The following EIF4E2 variants were observed in gnomAD, a reference collection of about 807,000 sequenced individuals.
EIF4E2 encodes the protein eukaryotic translation initiation factor 4E family member 2.
In EIF4E2, 13 loss-of-function variants were observed where a neutral mutation model predicts 34.2. The observed-to-expected ratio is 0.38, with a 90% confidence interval of 0.25 to 0.60. The LOEUF (loss-of-function observed/expected upper bound fraction) is 0.60. Among genes scored for constraint, EIF4E2 ranks in the 20% least tolerant of loss-of-function variants. The pLI is 0.62. For synonymous variants in EIF4E2, 100 were observed against 106.6 expected (o/e 0.94, Z 0.38); for missense variants, 222 against 315.1 (o/e 0.70, Z 2.24).
At chr2:232,551,033 A>T (rs1692293267) in intron 1 of EIF4E2, 2 of 616,688 alleles carry the variant, frequency 3.2e-6, no homozygotes, top group Non-Finnish European at 5.9e-6. Flanking sequence ...GCCCTGGTGG[A>T]TGCGGATTGC....
At chr2:232,560,925 G>T (rs1467669850) in intron 3 of EIF4E2, among the ~76,000 whole-genome samples, 1 of 152,184 alleles carries the variant, frequency 6.6e-6, no homozygotes, top group Non-Finnish European at 1.5e-5. Flanking sequence ...AATGCTTGTT[G>T]AATGAATTCA....
chr2:232,550,820 C>T, intron 1 of EIF4E2, 76 bp downstream of exon 1: 2 of 1,372,956 alleles, frequency 1.5e-6, no homozygotes, highest in Non-Finnish European at 9.8e-7. Context: ...GGGGCTGGGG[C>T]GGCGCAAACC....
chr2:232,562,106 T>G (rs1729246), intron 3 of EIF4E2, among the ~76,000 whole-genome samples: 46,328 of 151,756 alleles, frequency 0.31, 7,609 homozygotes, highest in Admixed American at 0.41. Flanking sequence ...TCCCAGCTAC[T>G]CAGGAGGCTG....
At chr2:232,563,594 A>G (rs1271700387) in intron 3 of EIF4E2, among the ~76,000 whole-genome samples, 1 of 152,170 alleles carries the variant, frequency 6.6e-6, no homozygotes, top group Non-Finnish European at 1.5e-5. Flanking sequence ...GTCCTGTATG[A>G]TTTTGGATTG....
chr2:232,556,394 A>G (rs766167787), intron 1 of EIF4E2, 22 bp from the exon 2 acceptor site: 6 of 1,586,684 alleles, frequency 3.8e-6, no homozygotes, highest in East Asian at 2.2e-5. Context: ...ACAGAATTGT[A>G]TTGTGTTGCC....
At position 232,552,430 on chromosome 2, in the gene EIF4E2, C is replaced by G. The variant is rs150666684; in HGVS notation, c.20+1686C>G. On this transcript the variant is annotated intron_variant, in intron 1 of 6. Coordinates refer to ENST00000258416, the MANE Select transcript of EIF4E2 (RefSeq NM_004846.4). ...GTTTCGCCATGTTGCCCAGGCCGAT[C>G]TCGAACTCGGGCTCAAGAGATCCAC... 2.9e-3 allele frequency among the ~76,000 whole-genome samples: 442 copies of G among 152,272 alleles called. 2 individuals are homozygous for G. Among genetic ancestry groups the G allele is most frequent in the African/African-American group, 9.8e-3 (406 of 41,558 alleles).
chr2:232,560,732 A>G (rs1692693356), intron 3 of EIF4E2, among the ~76,000 whole-genome samples: 1 of 152,258 alleles, frequency 6.6e-6, no homozygotes, highest in East Asian at 1.9e-4. Flanking sequence ...TATCTAGAAT[A>G]CTCTTACAAC....
chr2:232,568,129 G>T, intron 6 of EIF4E2: 2 of 985,390 alleles, frequency 2.0e-6, no homozygotes, highest in Non-Finnish European at 2.4e-6. Context: ...CTTTTACGGG[G>T]CCAAGTAGTA....
chr2:232,578,845 G>A (rs1284577657), intron 6 of EIF4E2, among the ~76,000 whole-genome samples: 2 of 152,118 alleles, frequency 1.3e-5, no homozygotes, highest in Admixed American at 1.3e-4. Context: ...TTTACTCCAA[G>A]ATAGATAATT....
chr2:232,554,916 A>G (rs909473485), intron 1 of EIF4E2, among the ~76,000 whole-genome samples: 2 of 152,198 alleles, frequency 1.3e-5, no homozygotes, highest in Non-Finnish European at 2.9e-5. Context: ...GCTCTGGGGC[A>G]TAGGTTATTG....
chr2:232,579,774 A>C (rs1023518116), intron 6 of EIF4E2, among the ~76,000 whole-genome samples: 1 of 152,200 alleles, frequency 6.6e-6, no homozygotes, highest in Non-Finnish European at 1.5e-5. Context: ...CAACCTGGGC[A>C]ACATAGTGAG....
chr2:232,579,367 G>C (rs568634591), intron 6 of EIF4E2, among the ~76,000 whole-genome samples: 1 of 152,322 alleles, frequency 6.6e-6, no homozygotes, highest in South Asian at 2.1e-4. Flanking sequence ...GTGCTAAGTA[G>C]CCATTGATAA....
chr2:232,580,084 C>CCACA (rs6147227), intron 6 of EIF4E2, among the ~76,000 whole-genome samples: 6,117 of 145,004 alleles, frequency 0.042, 177 homozygotes, highest in Admixed American at 0.06. Flanking sequence ...CACATACATA[C>CCACA]CACACACACA....
chr2:232,569,813 G>A (rs1422419141), downstream of EIF4E2: 1 of 152,172 alleles, frequency 6.6e-6, no homozygotes, highest in African/African-American at 2.4e-5. Context: ...CCTTTCTCCT[G>A]GGCCCGGTGT....
intron 3 of EIF4E2, among the ~76,000 whole-genome samples, chr2:232,562,297 G>A (rs1199824871): frequency 6.6e-6 from 1 of 152,160 alleles, no homozygotes; most frequent in Non-Finnish European, 1.5e-5. Context: ...ATTGTGCAGT[G>A]GGGCTGGGCG....
At chr2:232,551,376 T>G (rs890860982) in intron 1 of EIF4E2, among the ~76,000 whole-genome samples, 3 of 152,142 alleles carry the variant, frequency 2.0e-5, no homozygotes, top group African/African-American at 7.2e-5. Context: ...CCCGCTCCGG[T>G]TTCTAGTTTC....
intron 4 of EIF4E2, among the ~76,000 whole-genome samples, chr2:232,564,945 T>C (rs903529625): frequency 6.6e-6 from 1 of 152,228 alleles, no homozygotes; most frequent in Non-Finnish European, 1.5e-5. Flanking sequence ...CCTTTATCCT[T>C]ATAGAACTTG....
exon 7 of EIF4E2, chr2:232,582,194 C>T (rs58938098): frequency 1.8e-4 from 27 of 152,710 alleles, no homozygotes; most frequent in African/African-American, 6.0e-4. Context: ...CAAGTAGCAC[C>T]GTCTTACTTG....
intron 6 of EIF4E2, chr2:232,580,760 A>G (rs1468338675): frequency 8.4e-6 from 6 of 714,628 alleles, no homozygotes; most frequent in Non-Finnish European, 1.4e-5. Flanking sequence ...CCGTTTTGGC[A>G]TTAGATTGGC....
Sources: allele counts gnomAD v4.1 joint callset (sites outside exome capture counted in the v4.1 genomes callset), GRCh38; gene constraint gnomAD v4.1.1; transcripts MANE v1.5; gene names NCBI Gene and HGNC (gene_info 2026-07-23, HGNC 2026-07-21).